Variants in NPAS2 observed in about 807,000 individuals in gnomAD.
The protein encoded by NPAS2 is neuronal PAS domain protein 2.
A neutral mutation model predicts 107.5 loss-of-function variants in NPAS2; 23 were observed. The ratio of observed to expected loss-of-function variants is 0.21; its 90% confidence interval spans 0.15 to 0.30. NPAS2 has a LOEUF of 0.30. Ranked by LOEUF, NPAS2 falls within the 10% of genes least tolerant of loss-of-function variation. NPAS2 has a pLI of 1.00. For synonymous variants in NPAS2, 403 were observed against 417.5 expected (o/e 0.97, Z 0.42); for missense variants, 756 against 1,043.3 (o/e 0.72, Z 3.79).
intron 4 of NPAS2, among the ~76,000 whole-genome samples, chr2:100,936,616 A>C (rs1684316630): frequency 6.6e-6 from 1 of 152,200 alleles, no homozygotes; most frequent in South Asian, 2.1e-4. Context: ...TTTAGAAATC[A>C]ACTATCAGAT....
At chr2:100,855,368 C>T (rs949555743) in intron 1 of NPAS2, among the ~76,000 whole-genome samples, 9 of 152,122 alleles carry the variant, frequency 5.9e-5, no homozygotes, top group Non-Finnish European at 1.0e-4. Context: ...AGGCCTCGAC[C>T]GCGGGTAGAG....
intron 1 of NPAS2, among the ~76,000 whole-genome samples, chr2:100,874,698 C>T (rs1178168812): frequency 6.6e-6 from 1 of 152,028 alleles, no homozygotes; most frequent in Non-Finnish European, 1.5e-5. Flanking sequence ...GCTGAGATCA[C>T]ACCATTGCAC....
At chr2:100,992,743 C>T (rs1358229306) in intron 19 of NPAS2, among the ~76,000 whole-genome samples, 1 of 152,162 alleles carries the variant, frequency 6.6e-6, no homozygotes, top group East Asian at 1.9e-4. Context: ...GGAGAAATGT[C>T]AGCCCCAATG....
At chr2:100,955,758 C>T (rs1558908425) in intron 7 of NPAS2, among the ~76,000 whole-genome samples, 1 of 152,242 alleles carries the variant, frequency 6.6e-6, no homozygotes, top group South Asian at 2.1e-4. Context: ...CACTCTGTGC[C>T]TCCCACCACA....
At chr2:100,925,444 C>T (rs1189324739) in intron 3 of NPAS2, 150 bp downstream of exon 3, 2 of 737,112 alleles carry the variant, frequency 2.7e-6, no homozygotes, top group Non-Finnish European at 4.4e-6. Context: ...GACACTCCAC[C>T]CTCTATCAGC....
At chr2:100,841,731 G>A (rs1399526975) in intron 1 of NPAS2, among the ~76,000 whole-genome samples, 4 of 151,952 alleles carry the variant, frequency 2.6e-5, no homozygotes, top group South Asian at 4.2e-4. Context: ...GCATATACAC[G>A]TACCACATGC....
intron 1 of NPAS2, among the ~76,000 whole-genome samples, chr2:100,885,143 G>A (rs1442697400): frequency 1.3e-5 from 2 of 152,122 alleles, no homozygotes; most frequent in East Asian, 3.9e-4. Flanking sequence ...GTAGAGATGG[G>A]GTTTCACCCT....
intron 7 of NPAS2, among the ~76,000 whole-genome samples, chr2:100,958,814 A>T (rs1448591974): frequency 6.6e-6 from 1 of 152,154 alleles, no homozygotes; most frequent in Non-Finnish European, 1.5e-5. Flanking sequence ...AATTTGGCCC[A>T]TCCACACCAA....
intron 15 of NPAS2, among the ~76,000 whole-genome samples, chr2:100,980,482 T>TA (rs1677369998): frequency 6.6e-6 from 1 of 152,096 alleles, no homozygotes; most frequent in Admixed American, 6.6e-5. Context: ...TATATATATA[T>TA]TTTTTGAGAC....
intron 1 of NPAS2, among the ~76,000 whole-genome samples, chr2:100,903,047 G>T (rs1215446623): frequency 6.6e-6 from 1 of 152,216 alleles, no homozygotes; most frequent in Non-Finnish European, 1.5e-5. Flanking sequence ...TAGATGTTTA[G>T]TTTATGACTC....
chr2:100,933,089 T>G, intron 4 of NPAS2, 88 bp downstream of exon 4: 2 of 953,016 alleles, frequency 2.1e-6, no homozygotes, highest in Admixed American at 1.9e-5. Flanking sequence ...CAAAGGAAAC[T>G]ACTGTTCTTG....
At chr2:100,906,476 T>C (rs967822788) in intron 2 of NPAS2, among the ~76,000 whole-genome samples, 2 of 152,252 alleles carry the variant, frequency 1.3e-5, no homozygotes, top group African/African-American at 4.8e-5. Flanking sequence ...TCTGTCCTGC[T>C]TTCCTCACTG....
intron 12 of NPAS2, among the ~76,000 whole-genome samples, chr2:100,971,611 G>T (rs866082707): frequency 9.2e-5 from 14 of 152,300 alleles, no homozygotes; most frequent in Middle Eastern, 3.4e-3. Context: ...AGGGGTGTTA[G>T]TGAACATCAT....
At chr2:100,866,642 T>C (rs2104553214) in intron 1 of NPAS2, among the ~76,000 whole-genome samples, 1 of 152,340 alleles carries the variant, frequency 6.6e-6, no homozygotes, top group African/African-American at 2.4e-5. Flanking sequence ...AAAGAACATC[T>C]AGTAGTAGTG....
chr2:100,918,705 G>A (rs1409625956), intron 2 of NPAS2, among the ~76,000 whole-genome samples: 1 of 152,068 alleles, frequency 6.6e-6, no homozygotes, highest in South Asian at 2.1e-4. Flanking sequence ...ATGTACCACC[G>A]CAACTTTCTT....
chr2:100,923,101 A>C (rs562368530), intron 2 of NPAS2, among the ~76,000 whole-genome samples: 13 of 152,222 alleles, frequency 8.5e-5, no homozygotes, highest in Admixed American at 8.5e-4. Flanking sequence ...GTGTTTGAAC[A>C]TGGTCTTTTA....
chr2:100,899,795 A>G (rs1681657402), intron 1 of NPAS2, among the ~76,000 whole-genome samples: 1 of 152,234 alleles, frequency 6.6e-6, no homozygotes, highest in African/African-American at 2.4e-5. Context: ...AATAATGCAT[A>G]TAAGATCACA....
chr2:100,855,908 C>T (rs1678524432), intron 1 of NPAS2, among the ~76,000 whole-genome samples: 1 of 152,164 alleles, frequency 6.6e-6, no homozygotes, highest in African/African-American at 2.4e-5. Context: ...GCCCACTCAG[C>T]TTGAATGGGG....
At chr2:100,855,948 T>C (rs1427780319) in intron 1 of NPAS2, among the ~76,000 whole-genome samples, 2 of 152,212 alleles carry the variant, frequency 1.3e-5, no homozygotes, top group Admixed American at 1.3e-4. Context: ...GAGTCCGTAC[T>C]GCCTTCTCCC....
Sources: gnomAD v4.1 joint callset for allele counts (sites outside exome capture counted in the v4.1 genomes callset) on GRCh38, gnomAD v4.1.1 for gene constraint, MANE v1.5 for transcripts, NCBI Gene and HGNC (gene_info 2026-07-23, HGNC 2026-07-21) for gene names.